CPLANE2: variants seen among roughly 807,000 people sequenced by gnomAD.
The protein encoded by CPLANE2 is ciliogenesis and planar polarity effector 2.
CPLANE2 carries 24 observed loss-of-function variants against 20.9 expected under a neutral mutation model. That is an observed-to-expected ratio of 1.15 (90% CI 0.83 to 1.61). CPLANE2 has a LOEUF of 1.61. CPLANE2 is among the 40% of genes most tolerant of loss of function. CPLANE2 has a pLI of 0.00. For synonymous variants in CPLANE2, 132 were observed against 144.3 expected (o/e 0.92, Z 0.61); for missense variants, 330 against 355.1 (o/e 0.93, Z 0.57).
chr1:16,234,876 C>T (rs991929678), intron 1 of CPLANE2, among the ~76,000 whole-genome samples: 2 of 151,946 alleles, frequency 1.3e-5, no homozygotes, highest in African/African-American at 2.4e-5. Flanking sequence ...TATAGGCATG[C>T]GCCACCATGC....
At position 16,233,733 on chromosome 1, in the gene CPLANE2, A is replaced by AGGC; in HGVS notation, c.141_143dup (p.Pro48dup). 6.2e-7 allele frequency: 1 copy of AGGC among 1,614,140 alleles called. No homozygotes were observed. Among genetic ancestry groups the AGGC allele is most frequent in the Non-Finnish European group, 8.5e-7 (1 of 1,180,024 alleles). On this transcript the variant is annotated inframe_insertion, in exon 2 of 5. Transcript: ENST00000375599. ...TGTAGCTGGCAGTGTCAATGGACAC[A>AGGC]GGCGGCAGCAGCACTGGCCGCTCAA... is the stretch of plus-strand genomic sequence containing the variant.
chr1:16,234,381 G>A (rs973462793), intron 1 of CPLANE2, among the ~76,000 whole-genome samples: 2 of 152,270 alleles, frequency 1.3e-5, no homozygotes, highest in East Asian at 1.9e-4. Flanking sequence ...CAGCCTGGGC[G>A]ACAGAGCGAG....
In CPLANE2 at chr1:16,232,663, A is replaced by C; in HGVS notation, c.391-17T>G. 1 of 1,613,586 alleles carries C rather than the reference A, an allele frequency of 6.2e-7. No homozygotes were observed. Among genetic ancestry groups the C allele is most frequent in the Non-Finnish European group, 8.5e-7 (1 of 1,179,796 alleles). On this transcript the variant is annotated splice_polypyrimidine_tract_variant and intron_variant, in intron 3 of 4. Transcript: ENST00000375599. Reference sequence around the variant, plus strand: ...CATGCAAGCCTGGTGATGGAGAGGCATATAACCATGTCACCCCCCATCAGC... The same window carrying C: ...CATGCAAGCCTGGTGATGGAGAGGCCTATAACCATGTCACCCCCCATCAGC...
At position 16,232,627 on chromosome 1, in the gene CPLANE2, T is replaced by C; in HGVS notation, c.410A>G (p.Asp137Gly). ...GAAGGAGAAGAGGAAGAGGAAGGCATCTGTGTTCTCCATGCAAGCCTGGTG... is the reference window on the plus strand; with the variant it reads ...GAAGGAGAAGAGGAAGAGGAAGGCACCTGTGTTCTCCATGCAAGCCTGGTG... ...HMLLACMENTDAFLFLFSFTD... is the reference protein window; with the variant it reads ...HMLLACMENTGAFLFLFSFTD... The change falls in exon 4 of 5, where the codon GAT (aspartate) becomes GGT (glycine). Residue 137 changes from aspartate to glycine, a missense_variant. Coordinates refer to ENST00000375599, the MANE Select transcript of CPLANE2 (RefSeq NM_030907.4). The C allele has an allele frequency of 3.1e-6, 5 of 1,614,012 alleles. No homozygotes were observed. Among genetic ancestry groups the C allele is most frequent in the Non-Finnish European group, 4.2e-6 (5 of 1,180,014 alleles).
chr1:16,233,016 G>A lies in CPLANE2; in HGVS notation c.267C>T (p.Gly89=), dbSNP rs1220252633. 1 of 1,614,098 alleles carries A rather than the reference G, an allele frequency of 6.2e-7. No individual in the cohort carries two copies. Among genetic ancestry groups the A allele is most frequent in the East Asian group, 2.2e-5 (1 of 44,884 alleles). ...EVPVVHHETT[G]IQTTVVFWPA... Reference sequence around the variant, plus strand: ...GCCAAAATACCACGGTGGTCTGGATGCCTGAGGGGGAGCCAGGGTCAGCCA... The same window carrying A: ...GCCAAAATACCACGGTGGTCTGGATACCTGAGGGGGAGCCAGGGTCAGCCA... Residue 89 remains glycine, a splice_region_variant and synonymous_variant, in exon 3 of 5, where the codon GGC becomes GGT. Transcript: ENST00000375599.
Position 16,232,624 on chromosome 1 carries a change from G to A in CPLANE2, c.413C>T (p.Ala138Val), listed in dbSNP as rs372882841. The change falls in exon 4 of 5, where the codon GCC (alanine) becomes GTC (valine). Residue 138 changes from alanine to valine, a missense_variant. Physicochemically the swap from Ala to Val is moderately conservative, Grantham distance 64. Coordinates refer to ENST00000375599, the MANE Select transcript of CPLANE2 (RefSeq NM_030907.4). Reference sequence around the variant, plus strand: ...AGTGAAGGAGAAGAGGAAGAGGAAGGCATCTGTGTTCTCCATGCAAGCCTG... The same window carrying A: ...AGTGAAGGAGAAGAGGAAGAGGAAGACATCTGTGTTCTCCATGCAAGCCTG... ...MLLACMENTD[A>V]FLFLFSFTDR... 5.0e-6 allele frequency: 8 copies of A among 1,613,952 alleles called. No individual in the cohort carries two copies. Among genetic ancestry groups the A allele is most frequent in the African/African-American group, 1.3e-5 (1 of 74,910 alleles).
chr1:16,233,909 A>C, intron 1 of CPLANE2, 145 bp from the exon 2 acceptor site: 1 of 871,998 alleles, frequency 1.1e-6, no homozygotes, highest in Non-Finnish European at 1.7e-6. Context: ...GCCCTCATAA[A>C]TGGATTAATG....
At position 16,236,652 on chromosome 1, in the gene CPLANE2, T is replaced by C; in HGVS notation, c.91A>G (p.Lys31Glu). ...TTACCAAACACCCGCCGGCGGTTCT[T>C]GCGCAGAATGCAAGCCAGGTACTCC... ...GKEYLACILR[K>E]NRRRVFGLLE... Residue 31 changes from lysine (K) to glutamate (E), a missense_variant, in exon 1 of 5, where the codon AAG becomes GAG. By Grantham distance (56) the Lys-to-Glu change is moderately conservative (BLOSUM62 1). Coordinates refer to ENST00000375599, the MANE Select transcript of CPLANE2 (RefSeq NM_030907.4). The C allele has an allele frequency of 6.4e-7, 1 of 1,558,380 alleles. No individual in the cohort carries two copies. Among genetic ancestry groups the C allele is most frequent in the Non-Finnish European group, 8.7e-7 (1 of 1,149,886 alleles).
intron 2 of CPLANE2, 63 bp from the exon 3 acceptor site, chr1:16,233,080 C>A: frequency 6.3e-7 from 1 of 1,586,062 alleles, no homozygotes. Context: ...GAATAGGGGA[C>A]CAGGAAGGAA....
Position 16,233,693 on chromosome 1 carries a change from C to T in CPLANE2, c.184G>A (p.Gly62Arg), listed in dbSNP as rs368208180. The change falls in exon 2 of 5, where the codon GGG (glycine) becomes AGG (arginine). Residue 62 changes from glycine to arginine, a missense_variant. Gly to Arg is a moderately radical substitution (Grantham distance 125). Coordinates refer to ENST00000375599, the MANE Select transcript of CPLANE2 (RefSeq NM_030907.4). The part of the protein sequence containing the change: ...DTASYKIFVS[G>R]KSGVGKTALV... ...GCCGTCTTGCCCACACCACTCTTCC[C>T]GGACACAAAGATCTTGTAGCTGGCA... The T allele has an allele frequency of 1.1e-5, 17 of 1,614,078 alleles. No individual in the cohort carries two copies. Among genetic ancestry groups the T allele is most frequent in the Admixed American group, 5.0e-5 (3 of 60,006 alleles).
In CPLANE2 at chr1:16,232,234, C is replaced by T. The variant is rs146969788; in HGVS notation, c.591G>A (p.Trp197Ter). ...TCTTCACCCGTAGCAGGGGCAGCTC[C>T]CAGGCCTGCCGGAAGGCTGTGAGGT... ...ERDLTAFRQA[W>*]ELPLLRVKSV... The change falls in exon 5 of 5, where the codon TGG becomes TGA. Residue 197 changes from tryptophan (W) to a stop codon, truncating the protein, a stop_gained. Transcript: ENST00000375599. LOFTEE classifies it high-confidence loss of function. 1.1e-5 allele frequency: 18 copies of T among 1,611,702 alleles called. No homozygotes were observed. In the African/African-American group the frequency reaches 1.9e-4, roughly 17 times the overall value.
chr1:16,233,678 C>T lies in CPLANE2; in HGVS notation c.199G>A (p.Gly67Ser). Residue 67 changes from glycine (G) to serine (S), a missense_variant, in exon 2 of 5, where the codon GGC (glycine) becomes AGC (serine). Coordinates refer to ENST00000375599, the MANE Select transcript of CPLANE2 (RefSeq NM_030907.4). The part of the protein sequence containing the change: ...KIFVSGKSGV[G>S]KTALVAKLAG... The stretch of plus-strand genomic sequence containing the variant: ...AGCTTGGCCACCAGCGCCGTCTTGC[C>T]CACACCACTCTTCCCGGACACAAAG... 6.2e-7 allele frequency: 1 copy of T among 1,614,188 alleles called. No homozygotes were observed. Among genetic ancestry groups the T allele is most frequent in the Admixed American group, 1.7e-5 (1 of 60,028 alleles).
rs1050413025 is a variant in CPLANE2 at position 16,236,680 on chromosome 1, G to A, written c.63C>T (p.Gly21=). Residue 21 remains glycine, a synonymous_variant, in exon 1 of 5, where the codon GGC becomes GGT. Transcript: ENST00000375599. ...GCAGAATGCAAGCCAGGTACTCCTT[G>A]CCCTCGGCACTCTCGTGCCAGTTTG... ...VVPNWHESAE[G]KEYLACILRK... 2.6e-6 allele frequency: 4 copies of A among 1,563,078 alleles called. No homozygotes were observed. The highest frequency in any genetic ancestry group is 1.9e-5 in the Admixed American group (1 of 52,874).
chr1:16,232,630 G>C lies in CPLANE2; in HGVS notation c.407C>G (p.Thr136Arg). The C allele has an allele frequency of 2.5e-6, 4 of 1,614,098 alleles. No individual in the cohort carries two copies. Among genetic ancestry groups the C allele is most frequent in the Non-Finnish European group, 2.5e-6 (3 of 1,180,022 alleles). The change falls in exon 4 of 5, where the codon ACA becomes AGA. Residue 136 changes from threonine (T) to arginine (R), a missense_variant. Thr to Arg is a moderately conservative substitution (Grantham distance 71, BLOSUM62 -1). Transcript: ENST00000375599. ...DHMLLACMEN[T>R]DAFLFLFSFT... ...GGAGAAGAGGAAGAGGAAGGCATCT[G>C]TGTTCTCCATGCAAGCCTGGTGATG...
Position 16,232,122 on chromosome 1 carries a change from C to G in CPLANE2, c.703G>C (p.Ala235Pro), listed in dbSNP as rs1007712814. 9 of 1,613,522 alleles carry G rather than the reference C, an allele frequency of 5.6e-6. No individual in the cohort carries two copies. The highest frequency in any genetic ancestry group is 6.8e-6 in the Non-Finnish European group (8 of 1,179,998). The change falls in exon 5 of 5, where the codon GCT becomes CCT. Residue 235 changes from alanine to proline, a missense_variant. Ala to Pro is a conservative substitution (Grantham distance 27). Coordinates refer to ENST00000375599, the MANE Select transcript of CPLANE2 (RefSeq NM_030907.4). ...ADVAHILNGL[A>P]EQLWHQDQVA... ...TGGTCCTGGTGCCACAGCTGCTCAG[C>G]AAGGCCATTGAGTATGTGGGCAACG... is the stretch of plus-strand genomic sequence containing the variant.
At position 16,232,599 on chromosome 1, in the gene CPLANE2, A is replaced by G. The variant is rs1006013203; in HGVS notation, c.438T>C (p.Thr146=). ...GGAGGTCTTCAAAGGAGGCACGGTC[A>G]GTGAAGGAGAAGAGGAAGAGGAAGG... ...TDAFLFLFSF[T]DRASFEDLPG... The change falls in exon 4 of 5, where the codon ACT becomes ACC. Residue 146 remains threonine (T), a synonymous_variant. Transcript: ENST00000375599. 3.1e-6 allele frequency: 5 copies of G among 1,614,148 alleles called. No individual in the cohort carries two copies. Among genetic ancestry groups the G allele is most frequent in the Non-Finnish European group, 4.2e-6 (5 of 1,180,024 alleles).
rs112234564 is a variant in CPLANE2, at chr1:16,231,904, C to A, written c.*144G>T. 1.7e-5 allele frequency: 20 copies of A among 1,200,600 alleles called. No homozygotes were observed. Among genetic ancestry groups the A allele is most frequent in the East Asian group, 1.2e-4 (5 of 42,090 alleles). 74.4% of individuals were successfully genotyped at this position (1,200,600 alleles called of 1,614,324 possible). Reference sequence around the variant, plus strand: ...AATTCTGCAAGGAAAGCGCTGCTCGCGGGTGGGCCTTCTCTGGCCACATCC... The same window carrying A: ...AATTCTGCAAGGAAAGCGCTGCTCGAGGGTGGGCCTTCTCTGGCCACATCC... On this transcript the variant is annotated 3_prime_UTR_variant, in exon 5 of 5. Coordinates refer to ENST00000375599, the MANE Select transcript of CPLANE2 (RefSeq NM_030907.4).
intron 1 of CPLANE2, 113 bp from the exon 2 acceptor site, chr1:16,233,877 G>T (rs2081444550): frequency 8.7e-7 from 1 of 1,144,728 alleles, no homozygotes. Context: ...AGGAAGTGGG[G>T]CCTAACACAA....
Position 16,236,978 on chromosome 1 carries a change from C to T in CPLANE2, c.-236G>A, listed in dbSNP as rs2081470625. 2.1e-6 allele frequency: 1 copy of T among 475,540 alleles called. No homozygotes were observed. The highest frequency in any genetic ancestry group is 3.5e-5 in the East Asian group (1 of 28,428). 29.5% of individuals were successfully genotyped at this position (475,540 alleles called of 1,614,324 possible). A position where few individuals can be genotyped will look rare whatever the true frequency, so the allele number is the denominator to read the frequency against. On this transcript the variant is annotated 5_prime_UTR_variant, in exon 1 of 5. Transcript: ENST00000375599. ...CACACAGCCCCTCTCCCCTTGTCAC[C>T]TCCGGGGGTCAGACAGCCCCGCTTC...
Sources: allele counts gnomAD v4.1 joint callset (sites outside exome capture counted in the v4.1 genomes callset), GRCh38; gene constraint gnomAD v4.1.1; transcripts MANE v1.5; gene names NCBI Gene and HGNC (gene_info 2026-07-23, HGNC 2026-07-21).